PCCA: variants seen among roughly 807,000 people sequenced by gnomAD.
PCCA encodes the protein propionyl-CoA carboxylase subunit alpha, also known as propionyl-CoA carboxylase alpha chain, mitochondrial.
PCCA carries 74 observed loss-of-function variants against 101.3 expected under a neutral mutation model. That is an observed-to-expected ratio of 0.73 (90% CI 0.61 to 0.89). PCCA has a LOEUF of 0.89. Among genes scored for constraint, PCCA ranks in the 40% least tolerant of loss-of-function variants. PCCA has a pLI of 0.00. For missense variants in PCCA, 891 were observed against 907.0 expected, an observed-to-expected ratio of 0.98 and a Z score of 0.23; for synonymous variants, 294 against 313.6, an observed-to-expected ratio of 0.94 and a Z score of 0.66.
chr13:100,410,817 G>T (rs958654791), intron 19 of PCCA, among the ~76,000 whole-genome samples: 3 of 151,586 alleles, frequency 2.0e-5, no homozygotes, highest in Non-Finnish European at 4.4e-5. Context: ...GTGTCAAATC[G>T]GTTGACTGTT....
chr13:100,215,261 C>A (rs2059445477), intron 7 of PCCA, among the ~76,000 whole-genome samples: 1 of 152,182 alleles, frequency 6.6e-6, no homozygotes, highest in Admixed American at 6.5e-5. Context: ...TTTATTCATT[C>A]ATCTATTCAG....
rs1319058812 is a variant in PCCA at position 100,264,149 on chromosome 13, GTATATA to G, written c.819+1322_819+1327del. On this transcript the variant is annotated intron_variant, in intron 10 of 23. Transcript: ENST00000376285. ...CGTATATATATGGTATCTGTATATC[GTATATA>G]TATGGTATCTGTATATCGTATATAT... 1.8e-5 allele frequency among the ~76,000 whole-genome samples: 2 copies of G among 110,428 alleles called. 1 individual carries two copies. The highest frequency in any genetic ancestry group is 1.9e-4 in the Admixed American group (2 of 10,372). 72.4% of individuals were successfully genotyped at this position (110,428 alleles called of 152,430 possible). A position where few individuals can be genotyped will look rare whatever the true frequency, so the allele number is the denominator to read the frequency against.
intron 9 of PCCA, among the ~76,000 whole-genome samples, chr13:100,261,136 A>G (rs1199790985): frequency 6.6e-6 from 1 of 152,142 alleles, no homozygotes; most frequent in Non-Finnish European, 1.5e-5. Flanking sequence ...AAAAATAAGC[A>G]AATTGGATAG....
chr13:100,294,581 T>C (rs1359369241), intron 12 of PCCA, among the ~76,000 whole-genome samples: 1 of 152,192 alleles, frequency 6.6e-6, no homozygotes, highest in Admixed American at 6.5e-5. Context: ...TTCTAAACAT[T>C]CTGATTTCAG....
chr13:100,254,549 ACTTAT>A (rs1269305839), intron 8 of PCCA, among the ~76,000 whole-genome samples: 27 of 152,212 alleles, frequency 1.8e-4, no homozygotes, highest in Middle Eastern at 3.4e-3. Flanking sequence ...CTTCCCATTT[ACTTAT>A]CTTAATTAGA....
At chr13:100,406,684 G>A in intron 19 of PCCA, among the ~76,000 whole-genome samples, 1 of 152,058 alleles carries the variant, frequency 6.6e-6, no homozygotes, top group Non-Finnish European at 1.5e-5. Flanking sequence ...AGCCTGGCTG[G>A]GCAACAAGAG....
chr13:100,462,260 C>T (rs1043785792), intron 21 of PCCA, among the ~76,000 whole-genome samples: 1 of 152,106 alleles, frequency 6.6e-6, no homozygotes, highest in African/African-American at 2.4e-5. Flanking sequence ...TGGAATATAA[C>T]TACGTTTTTA....
At chr13:100,339,250 A>G (rs1404933827) in intron 17 of PCCA, among the ~76,000 whole-genome samples, 1 of 152,188 alleles carries the variant, frequency 6.6e-6, no homozygotes, top group Non-Finnish European at 1.5e-5. Flanking sequence ...CAGTACAGAC[A>G]ACAATACATT....
chr13:100,260,390 T>TGA, intron 9 of PCCA, among the ~76,000 whole-genome samples: 1 of 148,910 alleles, frequency 6.7e-6, no homozygotes, highest in African/African-American at 2.5e-5. Context: ...TGTGTGTGTG[T>TGA]GTGTGTGTTT....
At chr13:100,241,152 G>A (rs911882824) in intron 8 of PCCA, among the ~76,000 whole-genome samples, 3 of 152,068 alleles carry the variant, frequency 2.0e-5, no homozygotes, top group South Asian at 2.1e-4. Context: ...GATTTTTTGT[G>A]TATTTACAAG....
intron 6 of PCCA, among the ~76,000 whole-genome samples, chr13:100,160,483 A>G (rs1271265724): frequency 6.6e-6 from 1 of 151,174 alleles, no homozygotes; most frequent in African/African-American, 2.4e-5. Context: ...AGCCTAGGCA[A>G]CAGAGCGAGA....
chr13:100,207,545 T>C (rs1429899433), intron 6 of PCCA, among the ~76,000 whole-genome samples: 1 of 151,880 alleles, frequency 6.6e-6, no homozygotes, highest in African/African-American at 2.4e-5. Context: ...CACGCCCAGC[T>C]AATTTTTGGT....
In PCCA at chr13:100,440,159, TATATATATATATATATATATATATATA is replaced by T. The variant is rs2080244057; in HGVS notation, c.1846-9092_1846-9066del. Reference sequence around the variant, plus strand: ...GTGAAATGACTAGAGTATTAAATTATATATATATATATATATATATATATATATATATATATATATATATATATATAA... The same window carrying T: ...GTGAAATGACTAGAGTATTAAATTATTATATATATATATATATATATATAA... On this transcript the variant is annotated intron_variant, in intron 20 of 23. Transcript: ENST00000376285. 3.9e-3 allele frequency among the ~76,000 whole-genome samples: 6 copies of T among 1,534 alleles called. No individual in the cohort carries two copies. In the South Asian group the frequency reaches 0.04, roughly 10 times the overall value. The allele number at this position is 1,534 out of a possible 152,430, so 1.0% of individuals were successfully genotyped here. A position where few individuals can be genotyped will look rare whatever the true frequency, so the allele number is the denominator to read the frequency against.
intron 6 of PCCA, among the ~76,000 whole-genome samples, chr13:100,179,997 G>A (rs748200249): frequency 6.6e-5 from 10 of 152,120 alleles, no homozygotes; most frequent in South Asian, 2.1e-4. Context: ...GAGAAAACAC[G>A]TGGTACAAGA....
At chr13:100,353,247 C>T (rs1487684830) in intron 18 of PCCA, among the ~76,000 whole-genome samples, 6 of 152,128 alleles carry the variant, frequency 3.9e-5, no homozygotes, top group Non-Finnish European at 7.4e-5. Flanking sequence ...GTAAAAGTGT[C>T]GGACAGCCCT....
At chr13:100,091,103 A>G (rs1158680912) in intron 1 of PCCA, among the ~76,000 whole-genome samples, 1 of 150,844 alleles carries the variant, frequency 6.6e-6, no homozygotes, top group African/African-American at 2.5e-5. Context: ...TGCAGAGAGT[A>G]GATGGTGTTG....
intron 21 of PCCA, 147 bp downstream of exon 21, chr13:100,449,452 A>G: frequency 1.7e-6 from 1 of 592,762 alleles, no homozygotes; most frequent in South Asian, 2.2e-5. Flanking sequence ...TATTCTAGGG[A>G]ACAACTTCAT....
At chr13:100,451,715 C>CCTCTCTCTCTCTCTCTCT (rs71114697) in intron 21 of PCCA, among the ~76,000 whole-genome samples, 9 of 95,986 alleles carry the variant, frequency 9.4e-5, no homozygotes, top group African/African-American at 4.1e-4. Flanking sequence ...TCTCCTCTCT[C>CCTCTCTCTCTCTCTCTCT]CTCTCTCTCT....
At chr13:100,180,955 T>C (rs1158029321) in intron 6 of PCCA, among the ~76,000 whole-genome samples, 1 of 152,206 alleles carries the variant, frequency 6.6e-6, no homozygotes, top group Non-Finnish European at 1.5e-5. Flanking sequence ...TGAAACATGA[T>C]GAAAGGCTTT....
Sources: allele counts gnomAD v4.1 joint callset (sites outside exome capture counted in the v4.1 genomes callset), GRCh38; gene constraint gnomAD v4.1.1; transcripts MANE v1.5; gene names NCBI Gene and HGNC (gene_info 2026-07-23, HGNC 2026-07-21).